Variants in SCAPER observed in about 807,000 individuals in gnomAD.
SCAPER encodes the protein S-phase cyclin A associated protein in the ER, also known as S phase cyclin A-associated protein in the endoplasmic reticulum.
In SCAPER, 98 loss-of-function variants were observed where a neutral mutation model predicts 182.2. The ratio of observed to expected loss-of-function variants is 0.54; its 90% CI spans 0.46 to 0.64. SCAPER has a LOEUF of 0.64. Among genes scored for constraint, SCAPER ranks in the 30% least tolerant of loss-of-function variants. The pLI is 0.00. For missense variants in SCAPER, 1,432 were observed against 1,690.0 expected, an observed-to-expected ratio of 0.85 and a Z score of 2.68; for synonymous variants, 605 against 564.6, an observed-to-expected ratio of 1.07 and a Z score of -1.01.
At chr15:76,669,795 C>T (rs1346404989) in intron 20 of SCAPER, among the ~76,000 whole-genome samples, 1 of 152,178 alleles carries the variant, frequency 6.6e-6, no homozygotes, top group Admixed American at 6.5e-5. Context: ...CTCATGCAGG[C>T]TAGTCTCCGA....
At chr15:76,548,312 A>G (rs776990249) in intron 23 of SCAPER, among the ~76,000 whole-genome samples, 2 of 152,228 alleles carry the variant, frequency 1.3e-5, no homozygotes, top group Non-Finnish European at 2.9e-5. Flanking sequence ...GCTTCATCAA[A>G]TGAATCTTGG....
At chr15:76,539,580 T>C (rs1199256676) in intron 23 of SCAPER, among the ~76,000 whole-genome samples, 1 of 138,154 alleles carries the variant, frequency 7.2e-6, no homozygotes. Context: ...GGAGTCTCAC[T>C]GTCTCCCAGG....
chr15:76,440,906 G>GGTTTT (rs2047525045), intron 25 of SCAPER, among the ~76,000 whole-genome samples: 1 of 112,122 alleles, frequency 8.9e-6, no homozygotes, highest in Non-Finnish European at 1.8e-5. Context: ...TTCCCCTTCT[G>GGTTTT]GTTTTTTTTT....
chr15:76,844,787 T>G (rs914699611), intron 4 of SCAPER, among the ~76,000 whole-genome samples: 76 of 152,116 alleles, frequency 5.0e-4, no homozygotes, highest in Middle Eastern at 3.4e-3. Context: ...ACCAAACATT[T>G]AAAAAAGAAC....
chr15:76,685,533 G>A (rs2057991633), intron 20 of SCAPER, among the ~76,000 whole-genome samples: 1 of 151,916 alleles, frequency 6.6e-6, no homozygotes. Context: ...TACCGCCAGG[G>A]GGAATTATAA....
intron 20 of SCAPER, among the ~76,000 whole-genome samples, chr15:76,687,730 G>C (rs142242544): frequency 0.012 from 1,815 of 152,262 alleles, 23 homozygotes; most frequent in African/African-American, 0.04. Flanking sequence ...TGAGAATGAT[G>C]GTTTCCAGCT....
At chr15:76,819,677 C>T (rs1050501339) in intron 5 of SCAPER, among the ~76,000 whole-genome samples, 2 of 152,184 alleles carry the variant, frequency 1.3e-5, no homozygotes, top group African/African-American at 4.8e-5. Context: ...AATCAGAGCG[C>T]CTCTCCTCCT....
intron 15 of SCAPER, among the ~76,000 whole-genome samples, chr15:76,738,703 C>G (rs924634866): frequency 9.2e-5 from 14 of 152,132 alleles, no homozygotes; most frequent in African/African-American, 2.7e-4. Flanking sequence ...AAACATTTAT[C>G]AATTAAGTTT....
intron 15 of SCAPER, among the ~76,000 whole-genome samples, chr15:76,751,441 C>G (rs2062076485): frequency 6.6e-6 from 1 of 151,616 alleles, no homozygotes; most frequent in South Asian, 2.1e-4. Flanking sequence ...AAAAGAACAA[C>G]AAAATTGGAT....
At chr15:76,864,482 G>C (rs1170991096) in intron 2 of SCAPER, among the ~76,000 whole-genome samples, 2 of 152,032 alleles carry the variant, frequency 1.3e-5, no homozygotes, top group Non-Finnish European at 2.9e-5. Context: ...TCTTCACCTG[G>C]GAGTATGTTA....
chr15:76,592,458 C>T (rs1309277537), intron 22 of SCAPER, among the ~76,000 whole-genome samples: 1 of 122,242 alleles, frequency 8.2e-6, no homozygotes, highest in Non-Finnish European at 2.0e-5. Context: ...AAAATATAGA[C>T]CCTCACTTTA....
intron 24 of SCAPER, among the ~76,000 whole-genome samples, chr15:76,504,380 G>A (rs1028615837): frequency 4.6e-5 from 7 of 152,260 alleles, no homozygotes; most frequent in South Asian, 4.1e-4. Context: ...AAAGACCAAC[G>A]TGCAACTCAG....
chr15:76,762,795 C>T (rs1182544629), intron 14 of SCAPER, among the ~76,000 whole-genome samples: 4 of 152,050 alleles, frequency 2.6e-5, no homozygotes, highest in Admixed American at 2.0e-4. Context: ...ACTACAGGTG[C>T]CTACCACCAT....
chr15:76,514,321 G>A (rs1468274344), intron 23 of SCAPER, among the ~76,000 whole-genome samples: 2 of 152,160 alleles, frequency 1.3e-5, no homozygotes, highest in East Asian at 1.9e-4. Context: ...CTGTGAGACT[G>A]ACAACTGACT....
chr15:76,382,216 C>T (rs752393251), intron 27 of SCAPER, among the ~76,000 whole-genome samples: 1 of 152,112 alleles, frequency 6.6e-6, no homozygotes. Context: ...CAGATGAAGT[C>T]AGCTTAGCTA....
At chr15:76,577,460 A>AGAC (rs1454495843) in intron 22 of SCAPER, among the ~76,000 whole-genome samples, 1 of 152,138 alleles carries the variant, frequency 6.6e-6, no homozygotes, top group Non-Finnish European at 1.5e-5. Context: ...AAGAAGAAGA[A>AGAC]GAAGGAGAAA....
chr15:76,718,443 C>G (rs532697724), intron 17 of SCAPER, among the ~76,000 whole-genome samples: 2 of 152,194 alleles, frequency 1.3e-5, no homozygotes, highest in East Asian at 3.9e-4. Context: ...AATCCCAGCA[C>G]TTTGGGAGGC....
At chr15:76,573,521 T>C (rs1435575550) in intron 23 of SCAPER, among the ~76,000 whole-genome samples, 1 of 152,068 alleles carries the variant, frequency 6.6e-6, no homozygotes. Context: ...ATATGTTCAT[T>C]CCATTAAAGA....
At chr15:76,813,562 T>A (rs1163225688) in intron 5 of SCAPER, among the ~76,000 whole-genome samples, 1 of 152,022 alleles carries the variant, frequency 6.6e-6, no homozygotes, top group African/African-American at 2.4e-5. Context: ...AGGAAAATGC[T>A]ACAGGTGTCA....
Sources: allele counts gnomAD v4.1 joint callset (sites outside exome capture counted in the v4.1 genomes callset), GRCh38; gene constraint gnomAD v4.1.1; transcripts MANE v1.5; gene names NCBI Gene and HGNC (gene_info 2026-07-23, HGNC 2026-07-21).